SND1: variants seen among roughly 807,000 people sequenced by gnomAD.
The protein encoded by SND1 is staphylococcal nuclease and tudor domain containing 1.
A neutral mutation model predicts 121.7 loss-of-function variants in SND1; 38 were observed. The observed-to-expected ratio is 0.31, with a 90% CI of 0.24 to 0.41. The LOEUF (loss-of-function observed/expected upper bound fraction) is 0.41. Among genes scored for constraint, SND1 ranks in the 10% least tolerant of loss-of-function variants. The pLI, the probability that SND1 is intolerant of heterozygous loss-of-function variation, is 1.00. For missense variants in SND1, 868 were observed against 1,184.6 expected (o/e 0.73, Z 3.92); for synonymous variants, 401 against 447.4 (o/e 0.90, Z 1.31).
chr7:127,695,039 G>A, intron 3 of SND1, 91 bp downstream of exon 3: 1 of 1,505,596 alleles, frequency 6.6e-7, no homozygotes, highest in East Asian at 2.3e-5. Context: ...GTGGGTTCTG[G>A]TGGAGGAAGC....
chr7:127,748,643 A>G (rs1472348301), intron 10 of SND1, among the ~76,000 whole-genome samples: 2 of 152,240 alleles, frequency 1.3e-5, no homozygotes, highest in African/African-American at 4.8e-5. Context: ...GAAAATACGC[A>G]TTAGAAATCA....
intron 11 of SND1, among the ~76,000 whole-genome samples, chr7:127,829,727 G>A (rs1247220679): frequency 6.6e-6 from 1 of 152,182 alleles, no homozygotes; most frequent in African/African-American, 2.4e-5. Context: ...AAGGAATGAA[G>A]TCTGCTGTAT....
intron 11 of SND1, among the ~76,000 whole-genome samples, chr7:127,830,416 G>A (rs1031041008): frequency 1.3e-5 from 2 of 152,094 alleles, no homozygotes; most frequent in Non-Finnish European, 2.9e-5. Context: ...TGGTGAGAGT[G>A]GGGAGAGGAA....
intron 15 of SND1, among the ~76,000 whole-genome samples, chr7:127,975,122 A>G (rs1802083023): frequency 6.6e-6 from 1 of 152,228 alleles, no homozygotes. Context: ...GATAAAAACT[A>G]TGAAAACCAA....
intron 14 of SND1, among the ~76,000 whole-genome samples, chr7:127,912,425 G>A (rs1432335722): frequency 6.6e-6 from 1 of 152,020 alleles, no homozygotes; most frequent in Non-Finnish European, 1.5e-5. Flanking sequence ...TCATTTAGTT[G>A]GGCTGTTTTG....
chr7:128,074,551 G>C lies in SND1; in HGVS notation c.1829G>C (p.Trp610Ser). ...GACAAGGCCGGCAACTTTATCGGCTGGCTGCACATCGACGGTGCCAACCTG... is the reference window on the plus strand; with the variant it reads ...GACAAGGCCGGCAACTTTATCGGCTCGCTGCACATCGACGGTGCCAACCTG... ...SMDKAGNFIGWLHIDGANLSV... is the reference protein window; with the variant it reads ...SMDKAGNFIGSLHIDGANLSV... Residue 610 changes from tryptophan (W) to serine (S), a missense_variant, in exon 17 of 24, where the codon TGG becomes TCG. By Grantham distance (177) the Trp-to-Ser change is radical. Transcript: ENST00000354725. The C allele has an allele frequency of 6.2e-7, 1 of 1,613,590 alleles. No homozygotes were observed. The highest frequency in any genetic ancestry group is 8.5e-7 in the Non-Finnish European group (1 of 1,179,846).
chr7:128,039,711 G>C (rs1234894721), intron 16 of SND1, among the ~76,000 whole-genome samples: 1 of 152,228 alleles, frequency 6.6e-6, no homozygotes, highest in Non-Finnish European at 1.5e-5. Context: ...ACATAAGCCT[G>C]TCATTTTCAA....
intron 16 of SND1, among the ~76,000 whole-genome samples, chr7:128,000,765 T>C (rs1802808024): frequency 6.6e-6 from 1 of 152,222 alleles, no homozygotes; most frequent in South Asian, 2.1e-4. Context: ...ATTGTCTGAA[T>C]ATCCCCTATG....
chr7:128,069,864 G>C (rs1793377829), intron 16 of SND1, among the ~76,000 whole-genome samples: 1 of 152,164 alleles, frequency 6.6e-6, no homozygotes, highest in Non-Finnish European at 1.5e-5. Flanking sequence ...CCTCCATGCT[G>C]TACACTGCCC....
intron 15 of SND1, among the ~76,000 whole-genome samples, chr7:127,978,145 A>G (rs1802169800): frequency 6.6e-6 from 1 of 152,128 alleles, no homozygotes; most frequent in South Asian, 2.1e-4. Flanking sequence ...GTGCAGAGAG[A>G]AAAAAAGGGC....
intron 3 of SND1, among the ~76,000 whole-genome samples, chr7:127,696,332 TCCCA>T (rs1796006050): frequency 1.3e-5 from 2 of 152,174 alleles, no homozygotes; most frequent in Non-Finnish European, 2.9e-5. Context: ...CTTTTTAGTC[TCCCA>T]GAAAACGGCT....
chr7:128,046,204 C>A (rs1251239108), intron 16 of SND1, among the ~76,000 whole-genome samples: 1 of 152,146 alleles, frequency 6.6e-6, no homozygotes, highest in Non-Finnish European at 1.5e-5. Context: ...TAAAGCAATC[C>A]TCCCAACCTC....
At chr7:127,755,334 C>T (rs1022773150) in intron 10 of SND1, among the ~76,000 whole-genome samples, 6 of 152,158 alleles carry the variant, frequency 3.9e-5, no homozygotes, top group African/African-American at 7.2e-5. Flanking sequence ...AAAGCTGAAA[C>T]GAGGAAGTTC....
chr7:127,849,601 T>C (rs1298844238), intron 12 of SND1, among the ~76,000 whole-genome samples: 2 of 152,176 alleles, frequency 1.3e-5, no homozygotes, highest in African/African-American at 4.8e-5. Flanking sequence ...TCCCATTATG[T>C]GAAGTATTTC....
chr7:127,699,056 C>G (rs1796057007), intron 4 of SND1, 103 bp downstream of exon 4: 2 of 833,944 alleles, frequency 2.4e-6, no homozygotes, highest in Non-Finnish European at 4.0e-6. Context: ...GGCTTTCACA[C>G]CTTCGCGGAC....
intron 1 of SND1, 97 bp downstream of exon 1, chr7:127,652,548 C>A: frequency 1.0e-6 from 1 of 997,970 alleles, no homozygotes; most frequent in Non-Finnish European, 1.5e-6. Flanking sequence ...TGTCCCAGAT[C>A]CCCTTTCCTC....
chr7:128,051,824 C>A (rs1220813375), intron 16 of SND1, among the ~76,000 whole-genome samples: 1 of 152,204 alleles, frequency 6.6e-6, no homozygotes, highest in Non-Finnish European at 1.5e-5. Context: ...CATCCTTTGA[C>A]GGAGCTTCTC....
intron 16 of SND1, among the ~76,000 whole-genome samples, chr7:128,062,769 G>A (rs940998524): frequency 1.7e-4 from 26 of 152,072 alleles, no homozygotes; most frequent in Admixed American, 6.6e-4. Context: ...GGCAGCTTTT[G>A]GCCTCCACAC....
At chr7:127,971,917 T>A (rs1300861294) in intron 15 of SND1, among the ~76,000 whole-genome samples, 2 of 151,478 alleles carry the variant, frequency 1.3e-5, no homozygotes, top group African/African-American at 4.9e-5. Context: ...GGATTACAGG[T>A]GCATGCCACC....
Sources: gnomAD v4.1 joint callset for allele counts (sites outside exome capture counted in the v4.1 genomes callset) on GRCh38, gnomAD v4.1.1 for gene constraint, MANE v1.5 for transcripts, NCBI Gene and HGNC (gene_info 2026-07-23, HGNC 2026-07-21) for gene names.